Variants in PTPRE observed in about 807,000 individuals in gnomAD.
PTPRE encodes the protein receptor-type tyrosine-protein phosphatase epsilon.
Under a neutral mutation model 102.0 loss-of-function variants are expected in PTPRE, and 51 were observed. The ratio of observed to expected loss-of-function variants is 0.50; its 90% CI spans 0.40 to 0.63. The LOEUF is 0.63. Ranked by LOEUF, PTPRE falls within the 30% of genes least tolerant of loss-of-function variation. The pLI is 0.00. For synonymous variants in PTPRE, 345 were observed against 348.2 expected (o/e 0.99, Z 0.10); for missense variants, 752 against 915.1 (o/e 0.82, Z 2.30).
At chr10:127,970,740 G>A (rs1850664720) in intron 1 of PTPRE, among the ~76,000 whole-genome samples, 1 of 150,972 alleles carries the variant, frequency 6.6e-6, no homozygotes, top group African/African-American at 2.4e-5. Context: ...GGACACTCAA[G>A]TTTCCATCAT....
chr10:128,082,526 T>G (rs1457369588), intron 20 of PTPRE, among the ~76,000 whole-genome samples: 2 of 121,574 alleles, frequency 1.6e-5, no homozygotes, highest in South Asian at 2.2e-4. Context: ...TGGTTTTTTG[T>G]TTTTTTTTTT....
At chr10:127,938,639 TTAC>T (rs1782413540) in intron 1 of PTPRE, among the ~76,000 whole-genome samples, 1 of 152,226 alleles carries the variant, frequency 6.6e-6, no homozygotes, top group Admixed American at 6.5e-5. Context: ...AGAATTGATA[TTAC>T]TTTTTATAGC....
At chr10:127,987,735 C>T (rs1852216390) in intron 2 of PTPRE, among the ~76,000 whole-genome samples, 1 of 152,216 alleles carries the variant, frequency 6.6e-6, no homozygotes, top group South Asian at 2.1e-4. Flanking sequence ...CTAACAATTG[C>T]TGGGGACATA....
chr10:127,928,731 A>G (rs143649770), intron 1 of PTPRE, among the ~76,000 whole-genome samples: 1 of 152,350 alleles, frequency 6.6e-6, no homozygotes, highest in Non-Finnish European at 1.5e-5. Flanking sequence ...CTACCTTCCA[A>G]ATAACATCTT....
At position 128,070,295 on chromosome 10, in the gene PTPRE, C is replaced by A; in HGVS notation, c.1144-6C>A. On this transcript the variant is annotated splice_polypyrimidine_tract_variant and splice_region_variant and intron_variant, in intron 13 of 20. Coordinates refer to ENST00000254667, the MANE Select transcript of PTPRE (RefSeq NM_006504.6). This position sits in a 1 kb window ranked among gnomAD's most constrained non-coding sequence, Gnocchi z 4.8. Reference sequence around the variant, plus strand: ...GAGGGTGTGGGCACCCCTGGCCTCTCTGCAGATGCAGTACACGTTCATCTA... The same window carrying A: ...GAGGGTGTGGGCACCCCTGGCCTCTATGCAGATGCAGTACACGTTCATCTA... The A allele has an allele frequency of 6.2e-7, 1 of 1,604,196 alleles. No homozygotes were observed. Among genetic ancestry groups the A allele is most frequent in the East Asian group, 2.2e-5 (1 of 44,836 alleles).
chr10:128,032,026 A>AT (rs1846802088), intron 2 of PTPRE, among the ~76,000 whole-genome samples: 1 of 151,902 alleles, frequency 6.6e-6, no homozygotes, highest in Admixed American at 6.6e-5. Flanking sequence ...TTAAACCTTT[A>AT]TTTTTTTGAA....
rs187224238 is a variant in PTPRE, at chr10:128,055,581, G to A, written c.421-542G>A. Among the ~76,000 whole-genome samples, 30 of 152,180 alleles carry A rather than the reference G, an allele frequency of 2.0e-4. No homozygotes were observed. The East Asian group carries it at 5.8e-3, about 29-fold the overall frequency. On this transcript the variant is annotated intron_variant, in intron 6 of 20. Coordinates refer to ENST00000254667, the MANE Select transcript of PTPRE (RefSeq NM_006504.6). ...CCCTCCCGGGAGTGCCCAAGCCACT[G>A]GTCCACAGAGCACACCTGGAGTCTT... is the stretch of plus-strand genomic sequence containing the variant.
At chr10:128,009,301 T>C (rs1256084057) in intron 2 of PTPRE, among the ~76,000 whole-genome samples, 2 of 152,240 alleles carry the variant, frequency 1.3e-5, no homozygotes, top group Non-Finnish European at 2.9e-5. Context: ...AGCCAACATA[T>C]TTTAAAGTGT....
rs1373866271 is a variant in PTPRE at position 128,008,357 on chromosome 10, A to G, written c.-8+26061A>G. ...TCCTGGAGCTTCTGGAAGGTGAGATAAAGTCCCTGGGATGCCAAGCTCTCT... is the reference window on the plus strand; with the variant it reads ...TCCTGGAGCTTCTGGAAGGTGAGATGAAGTCCCTGGGATGCCAAGCTCTCT... On this transcript the variant is annotated intron_variant, in intron 2 of 20. Transcript: ENST00000254667. The surrounding 1 kb of genome is among the most constrained non-coding windows in gnomAD (Gnocchi z 4.0). Among the ~76,000 whole-genome samples the G allele has an allele frequency of 6.6e-6, 1 of 151,960 alleles. No homozygotes were observed. Among genetic ancestry groups the G allele is most frequent in the Non-Finnish European group, 1.5e-5 (1 of 68,004 alleles).
At chr10:128,036,288 C>G (rs559090495) in intron 2 of PTPRE, among the ~76,000 whole-genome samples, 62 of 152,162 alleles carry the variant, frequency 4.1e-4, no homozygotes, top group South Asian at 1.9e-3. Flanking sequence ...GTGCCTCCCC[C>G]ACACGCTGCA....
At chr10:127,978,319 G>T (rs1191851035) in intron 1 of PTPRE, among the ~76,000 whole-genome samples, 2 of 151,644 alleles carry the variant, frequency 1.3e-5, no homozygotes, top group African/African-American at 4.8e-5. Flanking sequence ...TGGCTGGGTC[G>T]CTTGACCCCA....
At chr10:127,982,159 C>T in intron 1 of PTPRE, 115 bp from the exon 2 acceptor site, 1 of 541,682 alleles carries the variant, frequency 1.8e-6, no homozygotes, top group Non-Finnish European at 2.9e-6. Context: ...AGACCCTGAA[C>T]AATTAAGCAA....
intron 9 of PTPRE, 147 bp downstream of exon 9, chr10:128,061,862 C>A: frequency 9.7e-7 from 1 of 1,029,976 alleles, no homozygotes; most frequent in Non-Finnish European, 1.4e-6. Flanking sequence ...TCCATTCACA[C>A]AACGGATATG....
At chr10:128,024,160 C>T (rs776066071) in intron 2 of PTPRE, among the ~76,000 whole-genome samples, 7 of 152,184 alleles carry the variant, frequency 4.6e-5, no homozygotes, top group Admixed American at 2.0e-4. Flanking sequence ...CATTCAGGAA[C>T]GAAGAGTTAT....
At chr10:127,943,332 C>T (rs1412341649) in intron 1 of PTPRE, among the ~76,000 whole-genome samples, 1 of 152,206 alleles carries the variant, frequency 6.6e-6, no homozygotes, top group Non-Finnish European at 1.5e-5. Context: ...GCCAGTCTCT[C>T]ACACTCCCTG....
chr10:128,070,685 C>T lies in PTPRE; in HGVS notation c.1294-123C>T. 7 of 1,222,964 alleles carry T rather than the reference C, an allele frequency of 5.7e-6. No homozygotes were observed. Among genetic ancestry groups the T allele is most frequent in the Non-Finnish European group, 8.0e-6 (7 of 873,496 alleles). 75.8% of individuals were successfully genotyped at this position (1,222,964 alleles called of 1,614,324 possible). On this transcript the variant is annotated intron_variant, in intron 14 of 20. Coordinates refer to ENST00000254667, the MANE Select transcript of PTPRE (RefSeq NM_006504.6). This position sits in a 1 kb window ranked among gnomAD's most constrained non-coding sequence, Gnocchi z 4.8. ...GTATTTCCCAATGCTAAGGAGGCTT[C>T]CTGGGTTGGAGAGTGGTTTCCTTTG... is the stretch of plus-strand genomic sequence containing the variant.
intron 2 of PTPRE, among the ~76,000 whole-genome samples, chr10:127,997,588 T>C (rs1157409546): frequency 6.6e-6 from 1 of 152,192 alleles, no homozygotes; most frequent in East Asian, 1.9e-4. Context: ...GGAATTAATA[T>C]AAGTACATGT....
At chr10:128,024,857 C>A (rs1846175419) in intron 2 of PTPRE, among the ~76,000 whole-genome samples, 1 of 152,074 alleles carries the variant, frequency 6.6e-6, no homozygotes, top group African/African-American at 2.4e-5. Flanking sequence ...GGGGCTTCTG[C>A]AGTGTTTATA....
intron 1 of PTPRE, among the ~76,000 whole-genome samples, chr10:127,975,036 C>G (rs1035714305): frequency 6.6e-6 from 1 of 152,166 alleles, no homozygotes; most frequent in Non-Finnish European, 1.5e-5. Flanking sequence ...GGGATACAAC[C>G]AGGGCAGCCC....
Sources: gnomAD v4.1 joint callset for allele counts (sites outside exome capture counted in the v4.1 genomes callset) on GRCh38, gnomAD v4.1.1 for gene constraint, Gnocchi (gnomAD v3.1) non-coding constraint, MANE v1.5 for transcripts, NCBI Gene and HGNC (gene_info 2026-07-23, HGNC 2026-07-21) for gene names.